The following EXT2 variants were observed in gnomAD, a reference collection of about 807,000 sequenced individuals.
EXT2 encodes exostosin glycosyltransferase 2.
EXT2 carries 53 observed loss-of-function variants against 81.6 expected under a neutral mutation model. That is an observed-to-expected ratio of 0.65 (90% CI 0.52 to 0.82). The LOEUF is 0.82. EXT2 is among the 40% of genes least tolerant of loss of function. The pLI is 0.00. For synonymous variants in EXT2, 320 were observed against 340.0 expected, an observed-to-expected ratio of 0.94 and a Z score of 0.65; for missense variants, 774 against 910.2, an observed-to-expected ratio of 0.85 and a Z score of 1.93.
At chr11:44,182,157 A>G (rs1955244981) in intron 8 of EXT2, among the ~76,000 whole-genome samples, 4 of 152,088 alleles carry the variant, frequency 2.6e-5, no homozygotes, top group Non-Finnish European at 4.4e-5. Context: ...TATATTTAGT[A>G]TGGTGCCTCA....
At chr11:44,199,905 A>G (rs1195708599) in intron 9 of EXT2, among the ~76,000 whole-genome samples, 2 of 152,172 alleles carry the variant, frequency 1.3e-5, no homozygotes, top group East Asian at 1.9e-4. Flanking sequence ...TCTAGGGAGG[A>G]AAAAGAGCCC....
intron 7 of EXT2, among the ~76,000 whole-genome samples, chr11:44,143,118 AT>A (rs1954667999): frequency 6.6e-6 from 1 of 151,968 alleles, no homozygotes; most frequent in South Asian, 2.1e-4. Context: ...CACCTGGCTA[AT>A]TTTTGTATTT....
At position 44,234,247 on chromosome 11, in the gene EXT2, G is replaced by GGAGGC; in HGVS notation, c.1935+5_1935+9dup. The GGAGGC allele has an allele frequency of 6.2e-7, 1 of 1,613,654 alleles. No homozygotes were observed. Among genetic ancestry groups the GGAGGC allele is most frequent in the Non-Finnish European group, 8.5e-7 (1 of 1,179,786 alleles). On this transcript the variant is annotated splice_donor_region_variant and intron_variant, in intron 12 of 13. Transcript: ENST00000533608. ...CACGGGAAAAGCAGTTATCAAGGTA[G>GGAGGC]GAGGCTCTGCCACTCACTTGCTTTG...
intron 10 of EXT2, among the ~76,000 whole-genome samples, chr11:44,227,767 G>A (rs1364703581): frequency 6.6e-6 from 1 of 152,170 alleles, no homozygotes; most frequent in Admixed American, 6.5e-5. Flanking sequence ...TCAGGTAAGA[G>A]GTGTTGAGGA....
intron 9 of EXT2, among the ~76,000 whole-genome samples, chr11:44,201,361 G>T (rs573175242): frequency 6.6e-6 from 1 of 152,328 alleles, no homozygotes; most frequent in South Asian, 2.1e-4. Flanking sequence ...GAAGATGATA[G>T]TGATATAACC....
chr11:44,227,603 CT>C (rs1955851977), intron 10 of EXT2, among the ~76,000 whole-genome samples: 1 of 152,196 alleles, frequency 6.6e-6, no homozygotes, highest in African/African-American at 2.4e-5. Context: ...AGGCTGCCCC[CT>C]GTGGGCTTTT....
At chr11:44,239,825 A>C (rs1433378074) in intron 13 of EXT2, among the ~76,000 whole-genome samples, 3 of 151,988 alleles carry the variant, frequency 2.0e-5, no homozygotes, top group Non-Finnish European at 4.4e-5. Context: ...ACTTTAAAAA[A>C]AAATGTTGAG....
intron 8 of EXT2, among the ~76,000 whole-genome samples, chr11:44,180,386 T>C (rs995649976): frequency 2.6e-5 from 4 of 152,234 alleles, no homozygotes; most frequent in African/African-American, 9.6e-5. Context: ...AACAAAGTTG[T>C]AAACAAGGAT....
intron 10 of EXT2, among the ~76,000 whole-genome samples, chr11:44,211,085 G>A (rs970027995): frequency 4.6e-5 from 7 of 152,128 alleles, no homozygotes; most frequent in African/African-American, 1.2e-4. Flanking sequence ...AAGACGTGGT[G>A]GTATTGGTAT....
At chr11:44,140,967 T>A (rs1264191400) in intron 7 of EXT2, among the ~76,000 whole-genome samples, 1 of 152,246 alleles carries the variant, frequency 6.6e-6, no homozygotes, top group Admixed American at 6.5e-5. Flanking sequence ...TATATAGCTG[T>A]TGATCTTGGA....
chr11:44,149,496 A>G (rs1402624687), intron 7 of EXT2, among the ~76,000 whole-genome samples: 1 of 152,224 alleles, frequency 6.6e-6, no homozygotes, highest in Non-Finnish European at 1.5e-5. Context: ...CATGTAATCC[A>G]ATGCCATATA....
At chr11:44,157,472 C>T (rs1954870633) in intron 7 of EXT2, among the ~76,000 whole-genome samples, 1 of 152,220 alleles carries the variant, frequency 6.6e-6, no homozygotes, top group African/African-American at 2.4e-5. Context: ...CTCTCCTTTC[C>T]ACATGTAGAA....
intron 1 of EXT2, among the ~76,000 whole-genome samples, chr11:44,099,970 A>G (rs1326413996): frequency 1.3e-5 from 2 of 152,102 alleles, no homozygotes; most frequent in Non-Finnish European, 2.9e-5. Context: ...GACACACTTC[A>G]CAAGCATGGA....
At chr11:44,227,074 G>A (rs1301299252) in intron 10 of EXT2, among the ~76,000 whole-genome samples, 1 of 152,218 alleles carries the variant, frequency 6.6e-6, no homozygotes, top group Non-Finnish European at 1.5e-5. Context: ...AGCCACTTCA[G>A]AGTGGCTTTT....
chr11:44,206,326 T>C (rs1159613924), intron 9 of EXT2, among the ~76,000 whole-genome samples: 3 of 152,220 alleles, frequency 2.0e-5, no homozygotes, highest in Non-Finnish European at 4.4e-5. Context: ...TATACTTATC[T>C]GAAAGTATTT....
At chr11:44,152,329 T>C (rs1417241950) in intron 7 of EXT2, among the ~76,000 whole-genome samples, 1 of 152,148 alleles carries the variant, frequency 6.6e-6, no homozygotes, top group Admixed American at 6.5e-5. Flanking sequence ...AGTTATCATC[T>C]AGGAGTTTTA....
intron 3 of EXT2, among the ~76,000 whole-genome samples, chr11:44,110,918 T>A (rs1954133315): frequency 6.6e-6 from 1 of 152,224 alleles, no homozygotes; most frequent in South Asian, 2.1e-4. Context: ...AATTTCATTT[T>A]GAAACTTAGG....
At chr11:44,100,758 T>C (rs1426397301) in intron 1 of EXT2, among the ~76,000 whole-genome samples, 2 of 151,926 alleles carry the variant, frequency 1.3e-5, no homozygotes, top group Non-Finnish European at 2.9e-5. Context: ...CCTTGACAGG[T>C]TGCCTCTGCT....
intron 7 of EXT2, among the ~76,000 whole-genome samples, chr11:44,157,543 G>T (rs1215847930): frequency 6.6e-6 from 1 of 152,118 alleles, no homozygotes; most frequent in East Asian, 1.9e-4. Context: ...CTGGCCACTG[G>T]CTGATGTTCA....
Sources: gnomAD v4.1 joint callset for allele counts (sites outside exome capture counted in the v4.1 genomes callset) on GRCh38, gnomAD v4.1.1 for gene constraint, MANE v1.5 for transcripts, NCBI Gene and HGNC (gene_info 2026-07-23, HGNC 2026-07-21) for gene names.